The following DHRS7 variants were observed in gnomAD, a reference collection of about 807,000 sequenced individuals.
DHRS7 encodes the protein dehydrogenase/reductase SDR family member 7.
Under a neutral mutation model 38.9 loss-of-function variants are expected in DHRS7, and 34 were observed. That is an observed-to-expected ratio of 0.87 (90% CI 0.66 to 1.16). The LOEUF (loss-of-function observed/expected upper bound fraction) is 1.16, where lower values mean the gene tolerates loss of function less well. DHRS7 is among the 50% of genes most tolerant of loss of function. DHRS7 has a pLI of 0.00. For synonymous variants in DHRS7, 158 were observed against 153.1 expected (o/e 1.03, Z -0.24); for missense variants, 421 against 407.0 (o/e 1.03, Z -0.30).
intron 1 of DHRS7, among the ~76,000 whole-genome samples, chr14:60,158,260 A>G (rs1896697824): frequency 6.7e-6 from 1 of 149,244 alleles, no homozygotes; most frequent in African/African-American, 2.5e-5. Context: ...AAAAAATCTC[A>G]ACTAAGGATG....
chr14:60,167,670 GA>G (rs368027593), upstream of DHRS7, among the ~76,000 whole-genome samples: 81 of 152,262 alleles, frequency 5.3e-4, 1 homozygote, highest in East Asian at 0.015. Flanking sequence ...CTAGGCGGGG[GA>G]AAAAAAGAGT....
At chr14:60,167,648 G>C (rs1349335794), upstream of DHRS7, among the ~76,000 whole-genome samples, 4 of 152,222 alleles carry the variant, frequency 2.6e-5, no homozygotes, top group Non-Finnish European at 5.9e-5. Flanking sequence ...GATCCTCCAA[G>C]ATCGGCAGTC....
intron 1 of DHRS7, among the ~76,000 whole-genome samples, chr14:60,157,489 CAG>C (rs1896681775): frequency 6.6e-6 from 1 of 152,332 alleles, no homozygotes; most frequent in South Asian, 2.1e-4. Context: ...GCCAGGAAAA[CAG>C]AGTTACCAAT....
At position 60,155,867 on chromosome 14, in the gene DHRS7, G is replaced by A. The variant is rs1896647088; in HGVS notation, c.286+133C>T. The A allele has an allele frequency of 6.6e-6, 6 of 907,728 alleles. No homozygotes were observed. The African/African-American group carries it at 1.0e-4, about 16-fold the overall frequency. The allele number at this position is 907,728 out of a possible 1,614,324, so 56.2% of individuals were successfully genotyped here. A position where few individuals can be genotyped will look rare whatever the true frequency, so the allele number is the denominator to read the frequency against. On this transcript the variant is annotated intron_variant, in intron 2 of 6. Transcript: ENST00000557185. The stretch of plus-strand genomic sequence containing the variant: ...CAGCCAATTAAGGCAAAAAGGAGAG[G>A]AACTGAGATGAAGCATGTAGAACAT...
chr14:60,162,410 A>G lies in DHRS7; in HGVS notation c.133+2767T>C, dbSNP rs1381117262. Among the ~76,000 whole-genome samples the G allele has an allele frequency of 2.0e-5, 3 of 152,114 alleles. No homozygotes were observed. The East Asian group carries it at 5.8e-4, about 29-fold the overall frequency. ...AAAAAAAAATCACCATGTGAGATATATGCTTGGAAATGCACAGAATTTCTC... is the reference window on the plus strand; with the variant it reads ...AAAAAAAAATCACCATGTGAGATATGTGCTTGGAAATGCACAGAATTTCTC... On this transcript the variant is annotated intron_variant, in intron 1 of 6. Transcript: ENST00000557185. This position sits in a 1 kb window ranked among gnomAD's most constrained non-coding sequence, Gnocchi z 4.5.
chr14:60,157,073 C>T (rs1896675193), intron 1 of DHRS7, among the ~76,000 whole-genome samples: 1 of 152,158 alleles, frequency 6.6e-6, no homozygotes, highest in Non-Finnish European at 1.5e-5. Flanking sequence ...AATATCGTAT[C>T]ACTTAACATC....
chr14:60,157,683 A>G (rs1173692745), intron 1 of DHRS7, among the ~76,000 whole-genome samples: 1 of 152,138 alleles, frequency 6.6e-6, no homozygotes, highest in Non-Finnish European at 1.5e-5. Context: ...GACCCTGTCT[A>G]CCTTGTTCAT....
chr14:60,144,871 A>T lies in DHRS7; in HGVS notation c.*95T>A, dbSNP rs771478759. ...CATATCTATTAAAAAGTAAAATCACAAATTAGTCTTTGATTATTCAGAAGC... is the reference window on the plus strand; with the variant it reads ...CATATCTATTAAAAAGTAAAATCACTAATTAGTCTTTGATTATTCAGAAGC... On this transcript the variant is annotated 3_prime_UTR_variant, in exon 7 of 7. Transcript: ENST00000557185. 1 of 1,061,040 alleles carries T rather than the reference A, an allele frequency of 9.4e-7. No homozygotes were observed. Among genetic ancestry groups the T allele is most frequent in the Non-Finnish European group, 1.4e-6 (1 of 694,850 alleles). 65.7% of individuals were successfully genotyped at this position (1,061,040 alleles called of 1,614,324 possible). A position where few individuals can be genotyped will look rare whatever the true frequency, so the allele number is the denominator to read the frequency against.
At position 60,153,953 on chromosome 14, in the gene DHRS7, A is replaced by G. The variant is rs1896603449; in HGVS notation, c.393+6T>C. 2 of 1,611,628 alleles carry G rather than the reference A, an allele frequency of 1.2e-6. No homozygotes were observed. The highest frequency in any genetic ancestry group is 1.7e-6 in the Non-Finnish European group (2 of 1,177,730). ...CAAGACTATATCAATATAAGATGCT[A>G]CTTACTCTACCAAACTCCTGGAGAA... is the stretch of plus-strand genomic sequence containing the variant. On this transcript the variant is annotated splice_donor_region_variant and intron_variant, in intron 3 of 6. Coordinates refer to ENST00000557185, the MANE Select transcript of DHRS7 (RefSeq NM_016029.4). This position sits in a 1 kb window ranked among gnomAD's most constrained non-coding sequence, Gnocchi z 4.4.
upstream of DHRS7, among the ~76,000 whole-genome samples, chr14:60,169,502 C>T (rs1208165903): frequency 2.0e-5 from 3 of 152,188 alleles, no homozygotes; most frequent in Non-Finnish European, 2.9e-5. Flanking sequence ...AATTCGAGTA[C>T]AAGAAACTGC....
chr14:60,152,212 A>C (rs141707218), intron 4 of DHRS7, among the ~76,000 whole-genome samples: 1 of 152,336 alleles, frequency 6.6e-6, no homozygotes, highest in Non-Finnish European at 1.5e-5. Context: ...TGTCTTCCTT[A>C]ATCATTCTTT....
intron 1 of DHRS7, among the ~76,000 whole-genome samples, chr14:60,157,668 G>T (rs1360341683): frequency 6.6e-6 from 1 of 152,058 alleles, no homozygotes; most frequent in Non-Finnish European, 1.5e-5. Flanking sequence ...TTCCATTAAG[G>T]GTAGGACCCT....
intron 4 of DHRS7, among the ~76,000 whole-genome samples, chr14:60,150,675 C>T (rs1170338259): frequency 1.3e-5 from 2 of 152,152 alleles, no homozygotes; most frequent in Non-Finnish European, 2.9e-5. Context: ...CATAGTATTC[C>T]ATGGTGTATA....
chr14:60,165,403 AG>A, upstream of DHRS7: 1 of 1,476,442 alleles, frequency 6.8e-7, no homozygotes, highest in South Asian at 1.3e-5. This position sits in a 1 kb window ranked among gnomAD's most constrained non-coding sequence, Gnocchi z 4.6. Flanking sequence ...CCCTTCGGCC[AG>A]CCCAGAGCCG....
At chr14:60,158,369 A>T (rs1403897240) in intron 1 of DHRS7, among the ~76,000 whole-genome samples, 3 of 152,200 alleles carry the variant, frequency 2.0e-5, no homozygotes, top group Non-Finnish European at 4.4e-5. Flanking sequence ...ATAGGACTTT[A>T]TCAAGAACAA....
At position 60,153,888 on chromosome 14, in the gene DHRS7, A is replaced by G; in HGVS notation, c.393+71T>C. The G allele has an allele frequency of 7.1e-7, 1 of 1,407,110 alleles. No homozygotes were observed. The highest frequency in any genetic ancestry group is 2.3e-5 in the East Asian group (1 of 43,764). 87.2% of individuals were successfully genotyped at this position (1,407,110 alleles called of 1,614,324 possible). ...ACTTGCCTAAAGCCCTTTGTATGAC[A>G]GCACCACGGATGGGAATCTCTTCTG... On this transcript the variant is annotated intron_variant, in intron 3 of 6. Coordinates refer to ENST00000557185, the MANE Select transcript of DHRS7 (RefSeq NM_016029.4). This position sits in a 1 kb window ranked among gnomAD's most constrained non-coding sequence, Gnocchi z 4.4.
chr14:60,151,796 C>G (rs778625926), intron 4 of DHRS7, among the ~76,000 whole-genome samples: 5 of 152,168 alleles, frequency 3.3e-5, no homozygotes, highest in Non-Finnish European at 7.4e-5. Flanking sequence ...CTCAACCTGC[C>G]ACATTTTATC....
chr14:60,161,709 A>C lies in DHRS7; in HGVS notation c.133+3468T>G, dbSNP rs1267435746. 6.6e-6 allele frequency among the ~76,000 whole-genome samples: 1 copy of C among 152,190 alleles called. No individual in the cohort carries two copies. Among genetic ancestry groups the C allele is most frequent in the Non-Finnish European group, 1.5e-5 (1 of 68,018 alleles). On this transcript the variant is annotated intron_variant, in intron 1 of 6. Transcript: ENST00000557185. The surrounding 1 kb of genome is among the most constrained non-coding windows in gnomAD (Gnocchi z 4.2). ...GGATTCGGTAGGGTCTGGACAGTGC[A>C]GAGCAGGATGAGATGTCAAAAATCA...
intron 4 of DHRS7, among the ~76,000 whole-genome samples, chr14:60,151,704 G>T (rs1388722490): frequency 6.6e-6 from 1 of 152,128 alleles, no homozygotes; most frequent in Non-Finnish European, 1.5e-5. Context: ...ACTTTTCAAT[G>T]ATAAACAAGT....
Sources: gnomAD v4.1 joint callset for allele counts (sites outside exome capture counted in the v4.1 genomes callset) on GRCh38, gnomAD v4.1.1 for gene constraint, Gnocchi (gnomAD v3.1) non-coding constraint, MANE v1.5 for transcripts, NCBI Gene and HGNC (gene_info 2026-07-23, HGNC 2026-07-21) for gene names.